The following DBF4B variants were observed in gnomAD, a reference collection of about 807,000 sequenced individuals.
DBF4B encodes protein DBF4 homolog B.
Under a neutral mutation model 53.4 loss-of-function variants are expected in DBF4B, and 49 were observed. The ratio of observed to expected loss-of-function variants is 0.92; its 90% CI spans 0.73 to 1.16. The LOEUF (loss-of-function observed/expected upper bound fraction) is 1.16. Among genes scored for constraint, DBF4B ranks in the 50% most tolerant of loss-of-function variants. The pLI is 0.00. For synonymous variants in DBF4B, 257 were observed against 288.7 expected (o/e 0.89, Z 1.11); for missense variants, 692 against 775.0 (o/e 0.89, Z 1.27).
chr17:44,750,354 A>C (rs1275970197), intron 13 of DBF4B: 3 of 1,335,062 alleles, frequency 2.2e-6, no homozygotes, highest in Non-Finnish European at 2.9e-6. Context: ...CGGAAGCCTG[A>C]TGCTATTCTG....
intron 7 of DBF4B, among the ~76,000 whole-genome samples, chr17:44,736,131 G>A (rs1397208575): frequency 5.4e-5 from 8 of 149,428 alleles, no homozygotes; most frequent in South Asian, 4.2e-4. Flanking sequence ...ACGGGCATGC[G>A]CCACCATGCC....
At chr17:44,748,797 C>T (rs780268957) in intron 13 of DBF4B, 36 of 1,304,096 alleles carry the variant, frequency 2.8e-5, no homozygotes, top group Middle Eastern at 4.2e-4. Context: ...CCAACCCCTG[C>T]GGCACCAGGA....
chr17:44,739,801 C>T (rs1975815150), intron 9 of DBF4B, among the ~76,000 whole-genome samples: 1 of 152,004 alleles, frequency 6.6e-6, no homozygotes, highest in Non-Finnish European at 1.5e-5. Context: ...GACGGAGTCT[C>T]ACTCCATCAC....
At chr17:44,712,301 CT>C (rs1163777667) in intron 2 of DBF4B, among the ~76,000 whole-genome samples, 13,004 of 71,884 alleles carry the variant, frequency 0.18, 186 homozygotes, top group African/African-American at 0.24. Flanking sequence ...ATTATGTCTT[CT>C]TTTTTTTTTT....
intron 10 of DBF4B, among the ~76,000 whole-genome samples, chr17:44,742,145 G>A (rs942399414): frequency 1.3e-5 from 2 of 151,792 alleles, no homozygotes; most frequent in South Asian, 4.2e-4. Flanking sequence ...GCTCATGCCC[G>A]TAATTCCAGC....
At chr17:44,714,996 C>T (rs1317834667) in intron 2 of DBF4B, among the ~76,000 whole-genome samples, 1 of 152,124 alleles carries the variant, frequency 6.6e-6, no homozygotes, top group African/African-American at 2.4e-5. Context: ...TCTGAAATTC[C>T]ATGACAGTGT....
Position 44,750,824 on chromosome 17 carries a change from G to C in DBF4B, c.1419G>C (p.Met473Ile). 6 of 1,614,072 alleles carry C rather than the reference G, an allele frequency of 3.7e-6. No homozygotes were observed. The highest frequency in any genetic ancestry group is 4.2e-6 in the Non-Finnish European group (5 of 1,180,024). The change falls in exon 14 of 14, where the codon ATG (methionine) becomes ATC (isoleucine). Residue 473 changes from methionine to isoleucine, a missense_variant. Around this residue, in one of 3 missense-constraint regions of DBF4B, gnomAD observed 597 missense variants for 665.8 expected, o/e 0.90. Coordinates refer to ENST00000315005, the MANE Select transcript of DBF4B (RefSeq NM_145663.3). ...GGGAGTGGTCGCCTGCAGAGGACAT[G>C]CCCCTCCATCCCTCCCAAGAAAACT... is the stretch of plus-strand genomic sequence containing the variant. ...LPGEWSPAED[M>I]PLHPSQENSF...
At chr17:44,747,549 G>A (rs762900837) in intron 12 of DBF4B, 34 bp downstream of exon 12, 2 of 1,610,774 alleles carry the variant, frequency 1.2e-6, no homozygotes, top group East Asian at 2.2e-5. Context: ...AACTGTGTCT[G>A]CTCTCTCCTC....
intron 3 of DBF4B, among the ~76,000 whole-genome samples, chr17:44,725,116 CA>C (rs57821218): frequency 3.2e-3 from 153 of 47,576 alleles, no homozygotes; most frequent in East Asian, 5.1e-3. Context: ...GACTCCATCT[CA>C]AAAAAAAAAA....
At chr17:44,714,592 GTAATTATTATAACTGTAAAACAGGTATAA>G (rs1309320024) in intron 2 of DBF4B, among the ~76,000 whole-genome samples, 1 of 150,946 alleles carries the variant, frequency 6.6e-6, no homozygotes, top group Non-Finnish European at 1.5e-5. Context: ...TCCTGTAACT[GTAATTATTATAACTGTAAAACAGGTATAA>G]TAATTTTATC....
intron 3 of DBF4B, among the ~76,000 whole-genome samples, chr17:44,727,988 G>A (rs1442975102): frequency 3.3e-5 from 5 of 151,450 alleles, no homozygotes; most frequent in Non-Finnish European, 5.9e-5. Flanking sequence ...AAAGTGCTAG[G>A]ATTACAGGCA....
At chr17:44,729,683 TACAC>T (rs71361592) in intron 3 of DBF4B, among the ~76,000 whole-genome samples, 8,290 of 138,150 alleles carry the variant, frequency 0.06, 398 homozygotes, top group African/African-American at 0.14. Context: ...GTAATACACA[TACAC>T]ACACACACAC....
Position 44,709,469 on chromosome 17 carries a change from G to A in DBF4B, c.82+103G>A, listed in dbSNP as rs939742647. The A allele has an allele frequency of 4.1e-6, 5 of 1,205,460 alleles. No homozygotes were observed. The African/African-American group carries it at 7.5e-5, about 18-fold the overall frequency. The allele number at this position is 1,205,460 out of a possible 1,614,324, so 74.7% of individuals were successfully genotyped here. On this transcript the variant is annotated intron_variant, in intron 2 of 13. Transcript: ENST00000315005. The stretch of plus-strand genomic sequence containing the variant: ...CCCTGTTGGAGTTTTCGATCACTCA[G>A]TGTTTTTATGTACTTATTTATTCAT...
At chr17:44,744,180 G>A (rs915878442) in intron 10 of DBF4B, among the ~76,000 whole-genome samples, 8 of 146,274 alleles carry the variant, frequency 5.5e-5, no homozygotes, top group Non-Finnish European at 1.0e-4. Context: ...GGAAGACTGA[G>A]GCAGGTGGAT....
chr17:44,723,082 T>C (rs576301835), intron 3 of DBF4B, 60 bp downstream of exon 3: 3 of 1,595,614 alleles, frequency 1.9e-6, no homozygotes, highest in Admixed American at 1.8e-5. Context: ...GAGCAGGAGT[T>C]GGATGGGGAT....
intron 3 of DBF4B, among the ~76,000 whole-genome samples, chr17:44,726,707 T>A (rs181693066): frequency 6.6e-6 from 1 of 152,340 alleles, no homozygotes; most frequent in Non-Finnish European, 1.5e-5. Flanking sequence ...TAACTGTTGC[T>A]CTGTGGACAT....
chr17:44,729,941 A>G lies in DBF4B; in HGVS notation c.262A>G (p.Ile88Val), dbSNP rs745994813. 8.7e-6 allele frequency: 14 copies of G among 1,614,000 alleles called. No homozygotes were observed. Among genetic ancestry groups the G allele is most frequent in the African/African-American group, 1.3e-5 (1 of 74,918 alleles). The change falls in exon 4 of 14, where the codon ATC becomes GTC. Residue 88 changes from isoleucine to valine, a missense_variant. Ile to Val is a conservative substitution (Grantham distance 29). This residue lies in a region of DBF4B where 29 missense variants were observed against 57.8 expected (regional missense o/e 0.50). Coordinates refer to ENST00000315005, the MANE Select transcript of DBF4B (RefSeq NM_145663.3). ...TTTTCTGAGCAAAGAAGTAAGTTAC[A>G]TCGTGTCCAGCCGCAGAGAAGTAAA... is the stretch of plus-strand genomic sequence containing the variant. ...EGFLSKEVSY[I>V]VSSRREVKAE...
intron 13 of DBF4B, chr17:44,750,391 G>A (rs956934094): frequency 8.1e-6 from 8 of 985,206 alleles, no homozygotes; most frequent in African/African-American, 1.7e-5. Context: ...AAGAAGGGGG[G>A]GCCCAGCTAT....
intron 7 of DBF4B, among the ~76,000 whole-genome samples, chr17:44,736,079 T>C (rs1041466216): frequency 6.6e-6 from 1 of 151,930 alleles, no homozygotes; most frequent in African/African-American, 2.4e-5. Flanking sequence ...CCTCCTGGGC[T>C]CAAACCATCC....
Sources: allele counts gnomAD v4.1 joint callset (sites outside exome capture counted in the v4.1 genomes callset), GRCh38; gene constraint gnomAD v4.1.1; regional missense constraint gnomAD v4.1.1; transcripts MANE v1.5; gene names NCBI Gene and HGNC (gene_info 2026-07-23, HGNC 2026-07-21).